Variants in CAST observed in about 807,000 individuals in gnomAD.
CAST encodes the protein MIR583 host.
In CAST, 76 loss-of-function variants were observed where a neutral mutation model predicts 119.6. That is an observed-to-expected ratio of 0.64 (90% CI 0.53 to 0.77). The LOEUF (loss-of-function observed/expected upper bound fraction) is 0.77. CAST is among the 30% of genes least tolerant of loss of function. The pLI, the probability that CAST is intolerant of heterozygous loss-of-function variation, is 0.00. For missense variants in CAST, 953 were observed against 946.5 expected (o/e 1.01, Z -0.09); for synonymous variants, 319 against 331.6 (o/e 0.96, Z 0.41).
intron 1 of CAST, among the ~76,000 whole-genome samples, chr5:96,635,050 T>C (rs1478178070): frequency 1.3e-5 from 2 of 152,126 alleles, no homozygotes; most frequent in African/African-American, 4.8e-5. Flanking sequence ...GGCTCTATGA[T>C]TAGAGTGAGA....
the CAST span, among the ~76,000 whole-genome samples, chr5:96,455,650 C>T: frequency 2.0e-5 from 3 of 152,172 alleles, no homozygotes; most frequent in African/African-American, 4.8e-5. Context: ...GCTCTGTCCA[C>T]GCAGGACCTC....
chr5:96,678,718 G>A (rs573904137), intron 2 of CAST, among the ~76,000 whole-genome samples: 5 of 151,970 alleles, frequency 3.3e-5, no homozygotes, highest in African/African-American at 9.6e-5. Context: ...AAGGTGGCGC[G>A]CACCCGTAGT....
intron 9 of CAST, among the ~76,000 whole-genome samples, chr5:96,731,759 T>G (rs1294960270): frequency 1.3e-5 from 2 of 149,908 alleles, no homozygotes. Flanking sequence ...GGTGTTTGGT[T>G]TTTCGTTCTT....
the CAST span, among the ~76,000 whole-genome samples, chr5:96,489,368 A>T: frequency 6.6e-6 from 1 of 152,242 alleles, no homozygotes; most frequent in Non-Finnish European, 1.5e-5. Flanking sequence ...TTTACAAATG[A>T]GCTGATTGAG....
At chr5:96,359,260 C>G in the CAST span, among the ~76,000 whole-genome samples, 1 of 152,166 alleles carries the variant, frequency 6.6e-6, no homozygotes, top group Non-Finnish European at 1.5e-5. Context: ...CTGAATACAG[C>G]ACACTGATGG....
upstream of CAST, among the ~76,000 whole-genome samples, chr5:96,522,257 C>A (rs1055023032): frequency 1.3e-5 from 2 of 152,334 alleles, no homozygotes; most frequent in African/African-American, 4.8e-5. Context: ...TAAATAAACA[C>A]ATTTGCTTTC....
chr5:96,102,127 A>G, the CAST span, among the ~76,000 whole-genome samples: 1 of 152,160 alleles, frequency 6.6e-6, no homozygotes, highest in African/African-American at 2.4e-5. Flanking sequence ...AGGGAGGGCA[A>G]AGGGCCAGTG....
At chr5:96,555,914 G>A (rs1275983493) in intron 1 of CAST, among the ~76,000 whole-genome samples, 1 of 152,218 alleles carries the variant, frequency 6.6e-6, no homozygotes, top group Non-Finnish European at 1.5e-5. Flanking sequence ...TCTGAGAACG[G>A]ACAGACTGCC....
intron 1 of CAST, among the ~76,000 whole-genome samples, chr5:96,555,053 G>T (rs1746208068): frequency 6.6e-6 from 1 of 152,182 alleles, no homozygotes; most frequent in Admixed American, 6.5e-5. Flanking sequence ...CCATTACTGG[G>T]CATATACCCA....
At chr5:96,563,651 T>TA (rs796796955) in intron 1 of CAST, among the ~76,000 whole-genome samples, 58 of 110,564 alleles carry the variant, frequency 5.2e-4, no homozygotes, top group African/African-American at 9.2e-4. Context: ...GTATTACTTA[T>TA]AAAAAAAAAG....
chr5:96,202,489 T>C, the CAST span, among the ~76,000 whole-genome samples: 1 of 152,226 alleles, frequency 6.6e-6, no homozygotes, highest in Non-Finnish European at 1.5e-5. Flanking sequence ...AGATTATGCT[T>C]ATTTTTAATA....
chr5:96,425,988 C>G, the CAST span: 1 of 924,428 alleles, frequency 1.1e-6, no homozygotes, highest in African/African-American at 1.6e-5. Context: ...CTGTATACTT[C>G]CTCTAACTAT....
At chr5:96,365,422 C>T in the CAST span, among the ~76,000 whole-genome samples, 3 of 152,018 alleles carry the variant, frequency 2.0e-5, no homozygotes, top group African/African-American at 4.8e-5. Context: ...TTGACAGTGG[C>T]ATGTTAAAGT....
chr5:96,203,649 T>C, the CAST span, among the ~76,000 whole-genome samples: 1 of 152,028 alleles, frequency 6.6e-6, no homozygotes, highest in Non-Finnish European at 1.5e-5. Flanking sequence ...TAGAAGAAAA[T>C]GCTAAATTTC....
At chr5:96,643,705 T>C (rs1349716672) in intron 1 of CAST, among the ~76,000 whole-genome samples, 2 of 152,054 alleles carry the variant, frequency 1.3e-5, no homozygotes, top group East Asian at 1.9e-4. Flanking sequence ...AAACCTTGTC[T>C]CTACTAAAAA....
chr5:96,226,681 A>T, the CAST span, among the ~76,000 whole-genome samples: 1 of 152,120 alleles, frequency 6.6e-6, no homozygotes, highest in Admixed American at 6.5e-5. Context: ...AAAAAAATCA[A>T]ATGTATTTTA....
chr5:96,481,800 C>T, the CAST span, among the ~76,000 whole-genome samples: 30,217 of 152,108 alleles, frequency 0.2, 3,115 homozygotes, highest in Middle Eastern at 0.29. Flanking sequence ...TGTTTAGTAA[C>T]TAATGGCAAG....
the CAST span, among the ~76,000 whole-genome samples, chr5:96,507,188 T>A: frequency 2.0e-3 from 304 of 151,944 alleles, no homozygotes; most frequent in Non-Finnish European, 3.4e-3. Flanking sequence ...GACCTGGGGA[T>A]GAGAAGGAGC....
chr5:96,235,881 A>T, the CAST span, among the ~76,000 whole-genome samples: 1 of 152,170 alleles, frequency 6.6e-6, no homozygotes, highest in African/African-American at 2.4e-5. Flanking sequence ...TTGGGTTCCC[A>T]GATCTGCCTG....
Sources: allele counts gnomAD v4.1 joint callset (sites outside exome capture counted in the v4.1 genomes callset), GRCh38; gene constraint gnomAD v4.1.1; transcripts MANE v1.5; gene names NCBI Gene and HGNC (gene_info 2026-07-23, HGNC 2026-07-21).